The following NHSL2 variants were observed in gnomAD, a reference collection of about 807,000 sequenced individuals.
NHSL2 encodes NHS like 2.
A neutral mutation model predicts 53.4 loss-of-function variants in NHSL2; 27 were observed. That is an observed-to-expected ratio of 0.51 (90% confidence interval 0.37 to 0.70). The LOEUF (loss-of-function observed/expected upper bound fraction) is 0.70, where lower values mean the gene tolerates loss of function less well. Ranked by LOEUF, NHSL2 falls within the 30% of genes least tolerant of loss-of-function variation. The pLI is 0.00. For missense variants in NHSL2, 892 were observed against 980.1 expected, an observed-to-expected ratio of 0.91 and a Z score of 1.20; for synonymous variants, 408 against 404.1, an observed-to-expected ratio of 1.01 and a Z score of -0.12.
chrX:71,957,512 T>C (rs2041848243), intron 1 of NHSL2, among the ~76,000 whole-genome samples: 1 of 111,962 alleles, frequency 8.9e-6, no homozygotes, highest in African/African-American at 3.3e-5. Context: ...GTGATCCGCC[T>C]GACTTGGCCT....
intron 1 of NHSL2, among the ~76,000 whole-genome samples, chrX:71,913,462 C>T (rs2041613858): frequency 8.9e-6 from 1 of 112,057 alleles, no homozygotes; most frequent in Non-Finnish European, 1.9e-5. Flanking sequence ...TAGATTTTGA[C>T]CGTAAGTAAG....
At chrX:72,038,245 C>A (rs993774698) in intron 1 of NHSL2, among the ~76,000 whole-genome samples, 6 of 112,159 alleles carry the variant, frequency 5.3e-5, no homozygotes, top group African/African-American at 1.9e-4. Context: ...ATCCCTATGC[C>A]CGCTGTGCAG....
At chrX:72,119,119 C>G (rs1257061604) in intron 1 of NHSL2, among the ~76,000 whole-genome samples, 3 of 111,859 alleles carry the variant, frequency 2.7e-5, no homozygotes, top group African/African-American at 9.8e-5. Flanking sequence ...AATTTCTTTC[C>G]ACTATATGGA....
intron 1 of NHSL2, 37 bp from the exon 2 acceptor site, chrX:72,132,042 C>T: frequency 6.9e-6 from 8 of 1,161,156 alleles, no homozygotes; most frequent in Non-Finnish European, 9.2e-6. Context: ...TCCCCTCCAG[C>T]TCGCCTGCGC....
chrX:72,134,481 C>T, intron 3 of NHSL2, 28 bp from the exon 4 acceptor site: 2 of 1,128,734 alleles, frequency 1.8e-6, no homozygotes, highest in Non-Finnish European at 2.4e-6. Flanking sequence ...CAGGAATACA[C>T]CCTTTCCATC....
In NHSL2 at chrX:71,923,993, A is replaced by G. The variant is rs552479720; in HGVS notation, c.280+12626A>G. ...ATTTTCCTGTTCTTTAATAAAGGAAAGCAGTTTATCTTTAATCTGGTGATT... is the reference window on the plus strand; with the variant it reads ...ATTTTCCTGTTCTTTAATAAAGGAAGGCAGTTTATCTTTAATCTGGTGATT... On this transcript the variant is annotated intron_variant, in intron 1 of 7. Coordinates refer to ENST00000633930, the MANE Select transcript of NHSL2 (RefSeq NM_001013627.3). Among the ~76,000 whole-genome samples the G allele has an allele frequency of 9.2e-4, 103 of 112,281 alleles. 2 individuals are homozygous for G. In the South Asian group the frequency reaches 0.038, roughly 41 times the overall value.
At chrX:72,047,469 TC>T (rs2042311688) in intron 1 of NHSL2, among the ~76,000 whole-genome samples, 1 of 112,183 alleles carries the variant, frequency 8.9e-6, no homozygotes, top group Admixed American at 9.4e-5. Context: ...AATGAAGCTT[TC>T]CAATAGTGGA....
chrX:71,979,909 T>C (rs1321598814), intron 1 of NHSL2, among the ~76,000 whole-genome samples: 3 of 111,708 alleles, frequency 2.7e-5, no homozygotes, highest in Non-Finnish European at 5.6e-5. Flanking sequence ...AACATTTAAG[T>C]CTTTAATCCA....
intron 6 of NHSL2, 115 bp downstream of exon 6, chrX:72,140,886 T>C (rs1227111835): frequency 1.6e-6 from 1 of 636,002 alleles, no homozygotes; most frequent in East Asian, 3.6e-5. Flanking sequence ...CCCAAGTCAG[T>C]AGCGGGCACC....
intron 1 of NHSL2, among the ~76,000 whole-genome samples, chrX:72,067,526 C>A (rs2042438171): frequency 1.8e-5 from 2 of 112,211 alleles, no homozygotes; most frequent in Non-Finnish European, 3.8e-5. Flanking sequence ...TACCTAGGAC[C>A]CATCACAAAT....
intron 1 of NHSL2, among the ~76,000 whole-genome samples, chrX:72,022,009 A>G (rs1223789305): frequency 1.8e-5 from 2 of 111,437 alleles, no homozygotes; most frequent in African/African-American, 6.5e-5. Context: ...TTCCTCTACC[A>G]TGGTGCCTCT....
At chrX:72,018,357 T>G (rs2042144108) in intron 1 of NHSL2, among the ~76,000 whole-genome samples, 1 of 111,970 alleles carries the variant, frequency 8.9e-6, no homozygotes, top group Non-Finnish European at 1.9e-5. Flanking sequence ...CCCGCCCAGT[T>G]TCCCTCTTGT....
chrX:72,093,717 G>T (rs7883141), intron 1 of NHSL2, among the ~76,000 whole-genome samples: 16,584 of 78,393 alleles, frequency 0.21, 1,238 homozygotes, highest in East Asian at 0.38. Flanking sequence ...AGTATAGCTT[G>T]CTTGCTTTCT....
chrX:71,942,725 G>C (rs1486015130), intron 1 of NHSL2, among the ~76,000 whole-genome samples: 4 of 112,047 alleles, frequency 3.6e-5, no homozygotes, highest in Non-Finnish European at 7.5e-5. Context: ...AGTCATGAAG[G>C]TAGTACACAG....
intron 1 of NHSL2, among the ~76,000 whole-genome samples, chrX:71,958,240 C>G (rs2041852199): frequency 9.0e-6 from 1 of 111,263 alleles, no homozygotes; most frequent in African/African-American, 3.3e-5. Flanking sequence ...TTTTCAACCT[C>G]CATCCCACCA....
intron 1 of NHSL2, among the ~76,000 whole-genome samples, chrX:72,050,284 G>T (rs2042332517): frequency 9.0e-6 from 1 of 111,175 alleles, no homozygotes; most frequent in Non-Finnish European, 1.9e-5. Flanking sequence ...GGCAAGGGTG[G>T]CAATGAGCCC....
At chrX:72,004,764 A>T (rs1602305426) in intron 1 of NHSL2, among the ~76,000 whole-genome samples, 1 of 98,749 alleles carries the variant, frequency 1.0e-5, no homozygotes, top group African/African-American at 3.8e-5. Context: ...TTCAGGCCCC[A>T]GTTTTCAGCC....
chrX:72,095,225 A>G (rs2041934395), intron 1 of NHSL2, among the ~76,000 whole-genome samples: 1 of 112,641 alleles, frequency 8.9e-6, no homozygotes, highest in Admixed American at 9.4e-5. Context: ...CAGGAAAGAT[A>G]AGAGCAAGTA....
intron 1 of NHSL2, among the ~76,000 whole-genome samples, chrX:71,999,369 G>A (rs1460573579): frequency 8.9e-6 from 1 of 112,637 alleles, no homozygotes; most frequent in Non-Finnish European, 1.9e-5. Flanking sequence ...TGAATTGTTT[G>A]TCAATTTTGC....
Sources: allele counts gnomAD v4.1 joint callset (sites outside exome capture counted in the v4.1 genomes callset), GRCh38; gene constraint gnomAD v4.1.1; transcripts MANE v1.5; gene names NCBI Gene and HGNC (gene_info 2026-07-23, HGNC 2026-07-21).